Variants in XKR4 observed in about 807,000 individuals in gnomAD.
XKR4 encodes the protein XK-related protein 4.
Under a neutral mutation model 53.9 loss-of-function variants are expected in XKR4, and 12 were observed. The ratio of observed to expected loss-of-function variants is 0.22; its 90% CI spans 0.14 to 0.36. The LOEUF (loss-of-function observed/expected upper bound fraction) is 0.36. Ranked by LOEUF, XKR4 falls within the 10% of genes least tolerant of loss-of-function variation. The pLI, the probability that XKR4 is intolerant of heterozygous loss-of-function variation, is 1.00. For missense variants in XKR4, 799 were observed against 859.5 expected, an observed-to-expected ratio of 0.93 and a Z score of 0.88; for synonymous variants, 354 against 362.4, an observed-to-expected ratio of 0.98 and a Z score of 0.26.
chr8:55,362,066 T>G lies in XKR4; in HGVS notation c.1006+4189T>G, dbSNP rs78542149. Among the ~76,000 whole-genome samples, 62 of 152,318 alleles carry G rather than the reference T, an allele frequency of 4.1e-4. No individual in the cohort carries two copies. In the East Asian group the frequency reaches 7.7e-3, roughly 19 times the overall value. The stretch of plus-strand genomic sequence containing the variant: ...TACTGAGGGATAATAATAGTGCTAA[T>G]TCATAGGATTGTAGAGATTAAATGA... On this transcript the variant is annotated intron_variant, in intron 2 of 2. Coordinates refer to ENST00000327381, the MANE Select transcript of XKR4 (RefSeq NM_052898.2).
chr8:55,476,587 G>A lies in XKR4; in HGVS notation c.1007-46694G>A, dbSNP rs557897071. Among the ~76,000 whole-genome samples the A allele has an allele frequency of 2.6e-3, 397 of 152,182 alleles. 1 individual carries two copies. Among genetic ancestry groups the A allele is most frequent in the Non-Finnish European group, 3.6e-3 (244 of 68,032 alleles). On this transcript the variant is annotated intron_variant, in intron 2 of 2. Coordinates refer to ENST00000327381, the MANE Select transcript of XKR4 (RefSeq NM_052898.2). ...AGCACACTGAGCAAGCTGAAGCAGG[G>A]CGAGGCATTGCCTCACTCAGGAAGT...
At chr8:55,488,334 A>G (rs759794102) in intron 2 of XKR4, among the ~76,000 whole-genome samples, 4 of 152,252 alleles carry the variant, frequency 2.6e-5, no homozygotes, top group Non-Finnish European at 4.4e-5. Flanking sequence ...TCACATTCCT[A>G]GATATTTACT....
intron 2 of XKR4, among the ~76,000 whole-genome samples, chr8:55,409,565 G>T (rs1804744866): frequency 6.7e-6 from 1 of 149,140 alleles, no homozygotes; most frequent in Admixed American, 6.7e-5. Context: ...ACATGAAACA[G>T]TTTTTTTTTT....
At chr8:55,393,343 T>C (rs1466404240) in intron 2 of XKR4, among the ~76,000 whole-genome samples, 1 of 151,870 alleles carries the variant, frequency 6.6e-6, no homozygotes, top group South Asian at 2.1e-4. Context: ...ATAATTGGTC[T>C]CATTTCTCTT....
chr8:55,398,414 AT>A (rs1247999943), intron 2 of XKR4, among the ~76,000 whole-genome samples: 1 of 152,214 alleles, frequency 6.6e-6, no homozygotes, highest in Non-Finnish European at 1.5e-5. Flanking sequence ...CATTTTATAT[AT>A]TTATGAATTT....
chr8:55,458,869 G>T (rs1313372975), intron 2 of XKR4, among the ~76,000 whole-genome samples: 1 of 152,176 alleles, frequency 6.6e-6, no homozygotes, highest in African/African-American at 2.4e-5. Flanking sequence ...AGGCCAGGGT[G>T]GTTTTGGAAA....
intron 1 of XKR4, among the ~76,000 whole-genome samples, chr8:55,118,873 T>C (rs1356793754): frequency 6.6e-6 from 1 of 152,220 alleles, no homozygotes; most frequent in Non-Finnish European, 1.5e-5. Context: ...TCGAAGTTCA[T>C]GGCACAAAAA....
intron 1 of XKR4, among the ~76,000 whole-genome samples, chr8:55,111,979 C>T (rs1032915343): frequency 1.1e-4 from 16 of 152,178 alleles, no homozygotes; most frequent in African/African-American, 3.6e-4. Context: ...GTGCACTCTG[C>T]TAGAAGAACA....
At chr8:55,505,735 A>G (rs1214337758) in intron 2 of XKR4, among the ~76,000 whole-genome samples, 1 of 152,178 alleles carries the variant, frequency 6.6e-6, no homozygotes. Flanking sequence ...GGCCTAATGT[A>G]TGGTCTATCC....
chr8:55,514,263 T>C (rs1806678036), intron 2 of XKR4, among the ~76,000 whole-genome samples: 1 of 149,556 alleles, frequency 6.7e-6, no homozygotes, highest in Non-Finnish European at 1.5e-5. Flanking sequence ...TTTTTTTTTT[T>C]TTTTTTGAGA....
intron 1 of XKR4, among the ~76,000 whole-genome samples, chr8:55,265,957 C>A (rs1818594627): frequency 6.6e-6 from 1 of 151,586 alleles, no homozygotes; most frequent in Admixed American, 6.6e-5. Flanking sequence ...TGCACTCCAG[C>A]CTGGCTGGAG....
chr8:55,143,576 T>A (rs1487091669), intron 1 of XKR4, among the ~76,000 whole-genome samples: 1 of 152,162 alleles, frequency 6.6e-6, no homozygotes, highest in African/African-American at 2.4e-5. Context: ...AAGGAATCAT[T>A]ATTCAGAGAA....
At chr8:55,383,464 G>A (rs185264505) in intron 2 of XKR4, among the ~76,000 whole-genome samples, 16 of 152,174 alleles carry the variant, frequency 1.1e-4, no homozygotes, top group Admixed American at 5.2e-4. Flanking sequence ...CTGAGTATAC[G>A]GGGAACCGTT....
chr8:55,522,099 C>G (rs1806805713), intron 2 of XKR4, among the ~76,000 whole-genome samples: 1 of 152,146 alleles, frequency 6.6e-6, no homozygotes, highest in Non-Finnish European at 1.5e-5. Context: ...AGAGCTCTCT[C>G]CTAAAGGAGG....
intron 2 of XKR4, among the ~76,000 whole-genome samples, chr8:55,369,646 T>C (rs952682354): frequency 1.3e-5 from 2 of 152,072 alleles, no homozygotes; most frequent in African/African-American, 4.8e-5. Flanking sequence ...GTTGCTTATC[T>C]GTGTAAACTT....
At chr8:55,339,937 C>G (rs1359760285) in intron 1 of XKR4, among the ~76,000 whole-genome samples, 1 of 152,076 alleles carries the variant, frequency 6.6e-6, no homozygotes, top group African/African-American at 2.4e-5. Flanking sequence ...CCTCTATGAC[C>G]TGAAAAAGAA....
At chr8:55,160,458 G>C (rs1326174877) in intron 1 of XKR4, among the ~76,000 whole-genome samples, 1 of 152,178 alleles carries the variant, frequency 6.6e-6, no homozygotes, top group Non-Finnish European at 1.5e-5. Flanking sequence ...AATTTAGTGG[G>C]ATGGTGGGCC....
chr8:55,267,584 A>G (rs1456773072), intron 1 of XKR4, among the ~76,000 whole-genome samples: 1 of 151,726 alleles, frequency 6.6e-6, no homozygotes, highest in Non-Finnish European at 1.5e-5. Context: ...TAAGTACAGC[A>G]TAAGGAAGAG....
chr8:55,252,503 C>A (rs1168851536), intron 1 of XKR4, among the ~76,000 whole-genome samples: 1 of 152,124 alleles, frequency 6.6e-6, no homozygotes, highest in African/African-American at 2.4e-5. Context: ...GGAGGGCAAC[C>A]AACACAAGAC....
Sources: allele counts gnomAD v4.1 joint callset (sites outside exome capture counted in the v4.1 genomes callset), GRCh38; gene constraint gnomAD v4.1.1; transcripts MANE v1.5; gene names NCBI Gene and HGNC (gene_info 2026-07-23, HGNC 2026-07-21).